MYO16: variants seen among roughly 807,000 people sequenced by gnomAD.
MYO16 encodes unconventional myosin-XVI.
A neutral mutation model predicts 205.3 loss-of-function variants in MYO16; 94 were observed. The observed-to-expected ratio is 0.46, with a 90% CI of 0.39 to 0.54. The LOEUF (loss-of-function observed/expected upper bound fraction) is 0.54. MYO16 is among the 20% of genes least tolerant of loss of function. MYO16 has a pLI of 0.00. For synonymous variants in MYO16, 988 were observed against 954.0 expected (o/e 1.04, Z -0.66); for missense variants, 2,315 against 2,387.5 (o/e 0.97, Z 0.63).
chr13:108,623,989 T>C (rs1566510807), intron 1 of MYO16, among the ~76,000 whole-genome samples: 2 of 152,114 alleles, frequency 1.3e-5, no homozygotes, highest in African/African-American at 2.4e-5. Context: ...TTGAAGTAAA[T>C]TTGAAGAATG....
At chr13:109,187,579 C>T (rs1487183471) in intron 34 of MYO16, among the ~76,000 whole-genome samples, 1 of 152,112 alleles carries the variant, frequency 6.6e-6, no homozygotes, top group Non-Finnish European at 1.5e-5. Context: ...TTTCCATTTT[C>T]ATTCAGTTCA....
At chr13:109,107,502 G>A (rs1889153599) in intron 28 of MYO16, among the ~76,000 whole-genome samples, 1 of 152,042 alleles carries the variant, frequency 6.6e-6, no homozygotes, top group Non-Finnish European at 1.5e-5. Flanking sequence ...AAATAGAAGA[G>A]CAAGGAACTG....
At chr13:108,783,851 G>T (rs1005475894) in intron 4 of MYO16, among the ~76,000 whole-genome samples, 2 of 152,158 alleles carry the variant, frequency 1.3e-5, no homozygotes, top group African/African-American at 2.4e-5. Flanking sequence ...GCCTCCCCAG[G>T]CTTGTGAAAC....
intron 6 of MYO16, among the ~76,000 whole-genome samples, chr13:108,795,866 T>C (rs933356283): frequency 1.3e-5 from 2 of 152,172 alleles, no homozygotes; most frequent in Non-Finnish European, 2.9e-5. Flanking sequence ...GGTCATATTG[T>C]TGCCATTTTG....
At chr13:108,811,474 C>T (rs2138994368) in intron 7 of MYO16, among the ~76,000 whole-genome samples, 1 of 151,900 alleles carries the variant, frequency 6.6e-6, no homozygotes, top group Non-Finnish European at 1.5e-5. Flanking sequence ...CTCTCTGTTC[C>T]TCTCCCAAAT....
the MYO16 span, among the ~76,000 whole-genome samples, chr13:108,551,122 T>TA: frequency 2.0e-5 from 3 of 152,216 alleles, no homozygotes; most frequent in Non-Finnish European, 4.4e-5. Context: ...AGGGGGGTTC[T>TA]AAAAAACTCC....
chr13:108,814,698 A>G (rs1251221348), intron 7 of MYO16, among the ~76,000 whole-genome samples: 1 of 150,258 alleles, frequency 6.7e-6, no homozygotes, highest in Non-Finnish European at 1.5e-5. Context: ...TGCAAAACCA[A>G]ACACTAATTT....
At chr13:108,599,134 T>G (rs1331204597) in intron 1 of MYO16, among the ~76,000 whole-genome samples, 2 of 151,492 alleles carry the variant, frequency 1.3e-5, no homozygotes. Context: ...GAATGATGAT[T>G]TCCAATTTCA....
intron 4 of MYO16, among the ~76,000 whole-genome samples, chr13:108,730,068 G>T (rs1002296292): frequency 2.0e-5 from 3 of 152,158 alleles, no homozygotes; most frequent in Non-Finnish European, 4.4e-5. Context: ...GCATCTAGGA[G>T]ACTGGTATCA....
At chr13:109,072,685 A>T in intron 27 of MYO16, among the ~76,000 whole-genome samples, 1 of 152,034 alleles carries the variant, frequency 6.6e-6, no homozygotes, top group Non-Finnish European at 1.5e-5. Flanking sequence ...CTCACTAGAC[A>T]TACCAGGGCA....
chr13:109,104,800 A>C (rs1161614362), intron 28 of MYO16, among the ~76,000 whole-genome samples: 1 of 152,154 alleles, frequency 6.6e-6, no homozygotes, highest in Non-Finnish European at 1.5e-5. Context: ...TTTACAGTAT[A>C]CCGAGTTTTG....
chr13:109,005,528 C>G (rs558853503), intron 21 of MYO16, among the ~76,000 whole-genome samples: 3 of 152,178 alleles, frequency 2.0e-5, no homozygotes, highest in African/African-American at 7.2e-5. Flanking sequence ...TATTCTCCAC[C>G]TGTCATATTA....
the MYO16 span, among the ~76,000 whole-genome samples, chr13:108,519,647 A>C: frequency 1.5e-4 from 23 of 148,442 alleles, no homozygotes; most frequent in East Asian, 9.8e-4. Flanking sequence ...ACACACACAC[A>C]CCCACACACA....
At chr13:108,954,171 G>A (rs1883259408) in intron 16 of MYO16, among the ~76,000 whole-genome samples, 1 of 152,200 alleles carries the variant, frequency 6.6e-6, no homozygotes, top group African/African-American at 2.4e-5. Flanking sequence ...GGATGGGGAG[G>A]TTTAAAGAAA....
At chr13:108,964,007 C>A (rs905285555) in intron 19 of MYO16, among the ~76,000 whole-genome samples, 2 of 152,174 alleles carry the variant, frequency 1.3e-5, no homozygotes, top group Non-Finnish European at 2.9e-5. Flanking sequence ...CTCACCCGTG[C>A]TTCTAACAGA....
At chr13:108,704,189 AACT>A (rs1205569307) in intron 2 of MYO16, among the ~76,000 whole-genome samples, 1 of 152,184 alleles carries the variant, frequency 6.6e-6, no homozygotes, top group Non-Finnish European at 1.5e-5. Context: ...AGCCCTAGCA[AACT>A]ACTACATTAA....
intron 15 of MYO16, among the ~76,000 whole-genome samples, chr13:108,907,397 C>G (rs1881039876): frequency 6.6e-6 from 1 of 152,154 alleles, no homozygotes; most frequent in Non-Finnish European, 1.5e-5. Flanking sequence ...GCTTTTAAAA[C>G]ATACAAGTCT....
the MYO16 span, among the ~76,000 whole-genome samples, chr13:108,589,364 C>T: frequency 6.6e-6 from 1 of 152,152 alleles, no homozygotes; most frequent in African/African-American, 2.4e-5. Flanking sequence ...TATTGTGCTA[C>T]ATTTCCCAGT....
intron 11 of MYO16, among the ~76,000 whole-genome samples, chr13:108,863,044 T>A (rs1406640114): frequency 6.6e-6 from 1 of 152,196 alleles, no homozygotes; most frequent in African/African-American, 2.4e-5. Flanking sequence ...ACAATTTTGA[T>A]TTTTTCATAT....
Sources: gnomAD v4.1 joint callset for allele counts (sites outside exome capture counted in the v4.1 genomes callset) on GRCh38, gnomAD v4.1.1 for gene constraint, MANE v1.5 for transcripts, NCBI Gene and HGNC (gene_info 2026-07-23, HGNC 2026-07-21) for gene names.